Variants in GRM1 observed in about 807,000 individuals in gnomAD.
GRM1 encodes the protein glutamate metabotropic receptor 1, also known as metabotropic glutamate receptor 1.
Under a neutral mutation model 90.9 loss-of-function variants are expected in GRM1, and 33 were observed. The observed-to-expected ratio is 0.36, with a 90% CI of 0.28 to 0.49. The LOEUF (loss-of-function observed/expected upper bound fraction) is 0.49, where lower values mean the gene tolerates loss of function less well. GRM1 is among the 20% of genes least tolerant of loss of function. The pLI is 0.99. For synonymous variants in GRM1, 700 were observed against 613.2 expected, an observed-to-expected ratio of 1.14 and a Z score of -2.09; for missense variants, 1,190 against 1,534.3, an observed-to-expected ratio of 0.78 and a Z score of 3.75.
chr6:146,106,115 T>C (rs1251277244), intron 1 of GRM1, among the ~76,000 whole-genome samples: 1 of 152,234 alleles, frequency 6.6e-6, no homozygotes. Flanking sequence ...GTTTAATGCG[T>C]CATTAAGCAT....
At chr6:146,047,210 A>T (rs1389377040) in intron 1 of GRM1, among the ~76,000 whole-genome samples, 3 of 151,566 alleles carry the variant, frequency 2.0e-5, no homozygotes, top group African/African-American at 7.3e-5. Context: ...AATAGAGTAG[A>T]CCCTCTTTTG....
At chr6:146,344,723 T>C (rs1785108110) in intron 3 of GRM1, among the ~76,000 whole-genome samples, 1 of 152,242 alleles carries the variant, frequency 6.6e-6, no homozygotes, top group African/African-American at 2.4e-5. Context: ...TTAACTGGGC[T>C]GATAAGTCTA....
chr6:146,345,350 G>A (rs1338097625), intron 3 of GRM1, among the ~76,000 whole-genome samples: 4 of 152,116 alleles, frequency 2.6e-5, no homozygotes, highest in African/African-American at 9.7e-5. Flanking sequence ...CATTCATTTA[G>A]AGTCAGTCAT....
At position 146,434,168 on chromosome 6, in the gene GRM1, C is replaced by A. The variant is rs1175647957; in HGVS notation, c.2957C>A (p.Ala986Glu). The A allele has an allele frequency of 5.0e-6, 8 of 1,613,484 alleles. No individual in the cohort carries two copies. Among genetic ancestry groups the A allele is most frequent in the Non-Finnish European group, 5.9e-6 (7 of 1,179,608 alleles). ...GTGCACAGGCGCGTGCCAAGCGCGG[C>A]GACCACTCCGCCTCTGCCGTCCCAC... ...MVVHRRVPSA[A>E]TTPPLPSHLT... Residue 986 changes from alanine (A) to glutamate (E), a missense_variant, in exon 8 of 8, where the codon GCG becomes GAG. By Grantham distance (107) the Ala-to-Glu change is moderately radical. This residue lies in a region of GRM1 where 400 missense variants were observed against 360.8 expected (regional missense o/e 1.11). Coordinates refer to ENST00000282753, the MANE Select transcript of GRM1 (RefSeq NM_001278064.2).
intron 2 of GRM1, among the ~76,000 whole-genome samples, chr6:146,283,869 A>G (rs1418562904): frequency 6.6e-6 from 1 of 152,228 alleles, no homozygotes; most frequent in Non-Finnish European, 1.5e-5. Flanking sequence ...TCTCTGGCCT[A>G]CTACTCATGT....
chr6:146,101,844 C>T (rs1777062227), intron 1 of GRM1, among the ~76,000 whole-genome samples: 1 of 148,094 alleles, frequency 6.8e-6, no homozygotes, highest in African/African-American at 2.5e-5. Flanking sequence ...TATATAATTA[C>T]TATAATATAA....
chr6:146,190,307 T>C (rs1436133683), intron 2 of GRM1, among the ~76,000 whole-genome samples: 1 of 152,198 alleles, frequency 6.6e-6, no homozygotes, highest in African/African-American at 2.4e-5. Context: ...ATAAATGTTT[T>C]GTTAGACTCC....
intron 1 of GRM1, among the ~76,000 whole-genome samples, chr6:146,056,026 G>A (rs1394687401): frequency 1.3e-5 from 2 of 152,040 alleles, no homozygotes; most frequent in Admixed American, 1.3e-4. Context: ...CTGTTTACAT[G>A]AATTCAGTCT....
At chr6:146,423,410 C>A (rs1324192666) in intron 7 of GRM1, among the ~76,000 whole-genome samples, 1 of 151,670 alleles carries the variant, frequency 6.6e-6, no homozygotes, top group Non-Finnish European at 1.5e-5. Flanking sequence ...TGTTTCACTT[C>A]AATGCAAAGT....
chr6:146,318,151 G>A (rs1044009112), intron 3 of GRM1, among the ~76,000 whole-genome samples: 16 of 151,536 alleles, frequency 1.1e-4, no homozygotes, highest in African/African-American at 3.9e-4. Context: ...CACTCCCCTA[G>A]CCCCCTATCC....
At chr6:146,374,976 T>G (rs1776040993) in intron 5 of GRM1, among the ~76,000 whole-genome samples, 1 of 152,058 alleles carries the variant, frequency 6.6e-6, no homozygotes, top group Admixed American at 6.6e-5. Context: ...TTTAAAGTTT[T>G]TTTCTCTTTT....
At chr6:146,087,497 A>C (rs935357709) in intron 1 of GRM1, among the ~76,000 whole-genome samples, 1 of 152,024 alleles carries the variant, frequency 6.6e-6, no homozygotes, top group Admixed American at 6.6e-5. Context: ...ATTTTGTCAC[A>C]TGTGTAGATT....
At chr6:146,113,399 C>T (rs1224486578) in intron 1 of GRM1, among the ~76,000 whole-genome samples, 1 of 152,186 alleles carries the variant, frequency 6.6e-6, no homozygotes, top group African/African-American at 2.4e-5. Flanking sequence ...CTTCGGAGCC[C>T]TTGAATTTGG....
At chr6:146,281,272 G>T (rs1380557515) in intron 2 of GRM1, among the ~76,000 whole-genome samples, 1 of 152,068 alleles carries the variant, frequency 6.6e-6, no homozygotes, top group African/African-American at 2.4e-5. Flanking sequence ...CAGAGACTCA[G>T]GGACCAGGAT....
intron 5 of GRM1, among the ~76,000 whole-genome samples, chr6:146,382,838 G>C (rs1776365212): frequency 6.6e-6 from 1 of 152,118 alleles, no homozygotes; most frequent in African/African-American, 2.4e-5. Flanking sequence ...TGATGACTAT[G>C]CTGTGAAAAC....
intron 2 of GRM1, among the ~76,000 whole-genome samples, chr6:146,214,005 T>C (rs191896342): frequency 1.3e-5 from 2 of 152,192 alleles, no homozygotes; most frequent in African/African-American, 4.8e-5. Flanking sequence ...AAAAGAAGAA[T>C]GTCTCCTAGC....
chr6:146,182,537 C>CTTCAATTAT (rs1778587001), intron 2 of GRM1, among the ~76,000 whole-genome samples: 1 of 152,110 alleles, frequency 6.6e-6, no homozygotes, highest in African/African-American at 2.4e-5. Context: ...ACAACAATTA[C>CTTCAATTAT]TTGCCCTTTC....
In GRM1 at chr6:146,339,190, G is replaced by A. The variant is rs79571969; in HGVS notation, c.1187-13060G>A. Among the ~76,000 whole-genome samples, 40 of 152,264 alleles carry A rather than the reference G, an allele frequency of 2.6e-4. No homozygotes were observed. The East Asian group carries it at 7.1e-3, about 27-fold the overall frequency. ...TTCTCATTTTAATTTTATTCTAGAA[G>A]CAAGTAAAAATTCCTATTATATCAG... On this transcript the variant is annotated intron_variant, in intron 3 of 7. Transcript: ENST00000282753.
chr6:146,136,338 T>C (rs1259905916), intron 1 of GRM1, among the ~76,000 whole-genome samples: 1 of 152,198 alleles, frequency 6.6e-6, no homozygotes, highest in African/African-American at 2.4e-5. Context: ...AGTTTTTAGT[T>C]TTTTGAGGAG....
Sources: gnomAD v4.1 joint callset for allele counts (sites outside exome capture counted in the v4.1 genomes callset) on GRCh38, gnomAD v4.1.1 for gene constraint, gnomAD v4.1.1 regional missense constraint, MANE v1.5 for transcripts, NCBI Gene and HGNC (gene_info 2026-07-23, HGNC 2026-07-21) for gene names.